The following ZNF469 variants were observed in gnomAD, a reference collection of about 807,000 sequenced individuals.
ZNF469 encodes zinc finger protein 469.
ZNF469 carries 1 observed loss-of-function variant against 1.0 expected under a neutral mutation model. That is an observed-to-expected ratio of 1.00 (90% CI 0.35 to 4.73). The LOEUF is 4.73. Ranked by LOEUF, ZNF469 falls within the 30% of genes most tolerant of loss-of-function variation. The pLI, the probability that ZNF469 is intolerant of heterozygous loss-of-function variation, is 0.16. For missense variants in ZNF469, 6,100 were observed against 5,356.3 expected, an observed-to-expected ratio of 1.14 and a Z score of -4.33; for synonymous variants, 2,703 against 2,363.4, an observed-to-expected ratio of 1.14 and a Z score of -4.17.
At position 88,390,710 on chromosome 16, in the gene ZNF469, G is replaced by T. The variant is rs953219816; in HGVS notation, c.-192+7456G>T. Among the ~76,000 whole-genome samples, 7 of 152,346 alleles carry T rather than the reference G, an allele frequency of 4.6e-5. No homozygotes were observed. In the South Asian group the frequency reaches 1.2e-3, roughly 27 times the overall value. On this transcript the variant is annotated intron_variant, in intron 1 of 2. Transcript: ENST00000565624. ...AGCCAGCAGGTAGACTAGGGAGACA[G>T]GCCAGTGTGTGAGGATCCTATAGTG...
At chr16:88,268,413 A>T in the ZNF469 span, among the ~76,000 whole-genome samples, 6 of 152,150 alleles carry the variant, frequency 3.9e-5, no homozygotes, top group African/African-American at 1.2e-4. Flanking sequence ...ACCCCGTGTG[A>T]CACTCCATCC....
At chr16:88,202,055 C>G in the ZNF469 span, among the ~76,000 whole-genome samples, 1 of 152,174 alleles carries the variant, frequency 6.6e-6, no homozygotes, top group African/African-American at 2.4e-5. Flanking sequence ...GTGCTCCCCC[C>G]AGGAGTAGCC....
chr16:88,406,987 C>G (rs1905043140), intron 1 of ZNF469, among the ~76,000 whole-genome samples: 1 of 152,178 alleles, frequency 6.6e-6, no homozygotes. Context: ...CCTTAAAAAT[C>G]AGCATAAACA....
At chr16:88,146,062 G>A in the ZNF469 span, among the ~76,000 whole-genome samples, 1 of 152,206 alleles carries the variant, frequency 6.6e-6, no homozygotes, top group Non-Finnish European at 1.5e-5. Context: ...CCCTCCACAC[G>A]GTGCCCGGTG....
At chr16:88,412,365 C>T (rs1905195053) in intron 1 of ZNF469, among the ~76,000 whole-genome samples, 1 of 152,084 alleles carries the variant, frequency 6.6e-6, no homozygotes, top group African/African-American at 2.4e-5. Context: ...CTGAGCCCTA[C>T]TGTGTGACCG....
intron 1 of ZNF469, among the ~76,000 whole-genome samples, chr16:88,408,610 C>T (rs550910653): frequency 2.0e-5 from 3 of 152,146 alleles, no homozygotes; most frequent in South Asian, 2.1e-4. Flanking sequence ...AGACTGCCAA[C>T]GACCTGCCAG....
upstream of ZNF469, among the ~76,000 whole-genome samples, chr16:88,378,617 G>C (rs1488816554): frequency 1.3e-5 from 2 of 152,162 alleles, no homozygotes; most frequent in Non-Finnish European, 2.9e-5. Flanking sequence ...ATGTTGTGCA[G>C]ACCCCAATGC....
the ZNF469 span, among the ~76,000 whole-genome samples, chr16:88,149,648 C>G: frequency 2.0e-5 from 3 of 152,166 alleles, no homozygotes; most frequent in African/African-American, 7.2e-5. Context: ...ACCCCCCGCA[C>G]CCCCAGCAGC....
At chr16:88,302,232 G>A in the ZNF469 span, among the ~76,000 whole-genome samples, 56 of 152,354 alleles carry the variant, frequency 3.7e-4, no homozygotes, top group African/African-American at 1.2e-3. Flanking sequence ...CGCTGTTCCC[G>A]CTGCTGTCGG....
rs371091595 is a variant in ZNF469, at chr16:88,427,506, C to A, written c.36C>A (p.Pro12=). 9.8e-6 allele frequency: 15 copies of A among 1,531,478 alleles called. No homozygotes were observed. The East Asian group carries it at 2.7e-4, about 28-fold the overall frequency. 94.9% of individuals were successfully genotyped at this position (1,531,478 alleles called of 1,614,324 possible). A position where few individuals can be genotyped will look rare whatever the true frequency, so the allele number is the denominator to read the frequency against. The change falls in exon 3 of 3, where the codon CCC becomes CCA. Residue 12 remains proline, a synonymous_variant. Transcript: ENST00000565624. The part of the protein sequence containing the change: ...PGERPRGAPP[P]TMTGDLQPRQ... ...AGCGCCCCCGAGGAGCGCCGCCCCC[C>A]ACCATGACTGGAGACCTGCAGCCCC...
the ZNF469 span, among the ~76,000 whole-genome samples, chr16:88,274,491 G>A: frequency 3.3e-5 from 5 of 152,266 alleles, no homozygotes; most frequent in African/African-American, 1.2e-4. Context: ...CTTCTGGTGT[G>A]ACCGCACCAA....
the ZNF469 span, among the ~76,000 whole-genome samples, chr16:88,140,000 C>T: frequency 1.1e-3 from 162 of 152,298 alleles, no homozygotes; most frequent in Middle Eastern, 3.4e-3. Flanking sequence ...CAATAAACAG[C>T]CACAGGAAGA....
In ZNF469 at chr16:88,429,542, C is replaced by A. The variant is rs1905976342; in HGVS notation, c.2072C>A (p.Pro691His). ...AFQCLEETPF[P>H]HEGPEVGRGG... ...CAGTGCCTGGAGGAGACCCCATTCC[C>A]CCACGAGGGCCCCGAGGTGGGTCGG... Residue 691 changes from proline to histidine, a missense_variant, in exon 3 of 3, where the codon CCC becomes CAC. Coordinates refer to ENST00000565624, the MANE Select transcript of ZNF469 (RefSeq NM_001367624.2). The A allele has an allele frequency of 6.5e-7, 1 of 1,550,062 alleles. No individual in the cohort carries two copies. Among genetic ancestry groups the A allele is most frequent in the Non-Finnish European group, 8.7e-7 (1 of 1,146,878 alleles).
chr16:88,208,346 G>T, the ZNF469 span, among the ~76,000 whole-genome samples: 3 of 150,900 alleles, frequency 2.0e-5, no homozygotes, highest in Non-Finnish European at 4.4e-5. Context: ...TTCCCATGAA[G>T]CCTTCTGTTC....
the ZNF469 span, among the ~76,000 whole-genome samples, chr16:88,360,763 A>AGCACCC: frequency 2.3e-5 from 2 of 87,570 alleles, no homozygotes; most frequent in African/African-American, 4.6e-5. Context: ...ACCCCCAGAC[A>AGCACCC]GCATGCTCCC....
chr16:88,186,937 T>C, the ZNF469 span, among the ~76,000 whole-genome samples: 14 of 151,832 alleles, frequency 9.2e-5, no homozygotes, highest in Non-Finnish European at 1.5e-4. Context: ...CCCGGGACGC[T>C]CAACACACCC....
At chr16:88,219,863 C>T in the ZNF469 span, among the ~76,000 whole-genome samples, 1 of 152,138 alleles carries the variant, frequency 6.6e-6, no homozygotes, top group Non-Finnish European at 1.5e-5. Context: ...CAGAAGTGGC[C>T]CTCCGTGGGT....
At chr16:88,417,681 G>T (rs1013642823) in intron 1 of ZNF469, among the ~76,000 whole-genome samples, 1 of 152,182 alleles carries the variant, frequency 6.6e-6, no homozygotes, top group African/African-American at 2.4e-5. Context: ...CGTTTGCTGG[G>T]CTCCGGTACA....
chr16:88,127,114 C>T, the ZNF469 span, among the ~76,000 whole-genome samples: 16,217 of 152,162 alleles, frequency 0.11, 967 homozygotes, highest in African/African-American at 0.15. Flanking sequence ...TGAGCCACCA[C>T]GCCCGGCCCA....
Sources: gnomAD v4.1 joint callset for allele counts (sites outside exome capture counted in the v4.1 genomes callset) on GRCh38, gnomAD v4.1.1 for gene constraint, MANE v1.5 for transcripts, NCBI Gene and HGNC (gene_info 2026-07-23, HGNC 2026-07-21) for gene names.